The following RPS6KA3 variants were observed in gnomAD, a reference collection of about 807,000 sequenced individuals.
RPS6KA3 encodes the protein ribosomal protein S6 kinase alpha-3.
RPS6KA3 carries 4 observed loss-of-function variants against 67.2 expected under a neutral mutation model. The ratio of observed to expected loss-of-function variants is 0.06; its 90% CI spans 0.03 to 0.14. The LOEUF (loss-of-function observed/expected upper bound fraction) is 0.14. Ranked by LOEUF, RPS6KA3 falls within the 10% of genes least tolerant of loss-of-function variation. RPS6KA3 has a pLI of 1.00. For missense variants in RPS6KA3, 204 were observed against 559.0 expected (o/e 0.36, Z 6.40); for synonymous variants, 182 against 183.7 (o/e 0.99, Z 0.07).
intron 9 of RPS6KA3, among the ~76,000 whole-genome samples, chrX:20,186,881 T>G (rs2067997696): frequency 8.9e-6 from 1 of 112,535 alleles, no homozygotes; most frequent in African/African-American, 3.2e-5. Context: ...TCACCCAGGC[T>G]GGAGTGCAGT....
chrX:20,251,895 A>T (rs1291176277), intron 1 of RPS6KA3, among the ~76,000 whole-genome samples: 1 of 111,895 alleles, frequency 8.9e-6, no homozygotes, highest in African/African-American at 3.2e-5. Flanking sequence ...ATTTGGGGAA[A>T]TTTCAGCCAT....
At chrX:20,229,385 G>A (rs1020346609) in intron 2 of RPS6KA3, among the ~76,000 whole-genome samples, 9 of 111,775 alleles carry the variant, frequency 8.1e-5, no homozygotes, top group Non-Finnish European at 1.5e-4. Context: ...CAGGAATCTG[G>A]GCCAGCAACC....
chrX:20,151,944 G>A lies in RPS6KA3; in HGVS notation c.*3454C>T, dbSNP rs1340772207. The A allele has an allele frequency of 8.9e-6, 1 of 112,074 alleles. No individual in the cohort carries two copies. Among genetic ancestry groups the A allele is most frequent in the Admixed American group, 9.5e-5 (1 of 10,516 alleles). The allele number at this position is 112,074 out of a possible 1,213,427, so 9.2% of individuals were successfully genotyped here. ...AAATCTTTCCTGGGCTGAAGGTGCA[G>A]GGCACAGCTAACTGGACAGCCCCAC... On this transcript the variant is annotated 3_prime_UTR_variant, in exon 22 of 22. Coordinates refer to ENST00000379565, the MANE Select transcript of RPS6KA3 (RefSeq NM_004586.3).
chrX:20,176,897 T>G, intron 11 of RPS6KA3, 99 bp downstream of exon 11: 1 of 674,169 alleles, frequency 1.5e-6, no homozygotes, highest in East Asian at 3.4e-5. Flanking sequence ...TAGCCTTGTC[T>G]AAATAGTTAA....
At position 20,150,999 on chromosome X, in the gene RPS6KA3, CCT is replaced by C. The variant is rs1437835398; in HGVS notation, c.*4397_*4398del. 8.9e-6 allele frequency: 1 copy of C among 112,024 alleles called. No homozygotes were observed. Among genetic ancestry groups the C allele is most frequent in the African/African-American group, 3.3e-5 (1 of 30,746 alleles). 9.2% of individuals were successfully genotyped at this position (112,024 alleles called of 1,213,427 possible). ...GCTCTCATCCCAACCCTCGGTATGC[CCT>C]GTTATGAACAGTTAAAAAACTAGAA... On this transcript the variant is annotated 3_prime_UTR_variant, in exon 22 of 22. Coordinates refer to ENST00000379565, the MANE Select transcript of RPS6KA3 (RefSeq NM_004586.3).
chrX:20,151,799 G>A lies in RPS6KA3; in HGVS notation c.*3599C>T, dbSNP rs772212082. ...TTGCTGGCCTCCATGGTGATTAAGC[G>A]CATCCATAGCAAGGCCTGCAAATCT... On this transcript the variant is annotated 3_prime_UTR_variant, in exon 22 of 22. Transcript: ENST00000379565. 7.1e-5 allele frequency: 8 copies of A among 112,109 alleles called. No individual in the cohort carries two copies. Among genetic ancestry groups the A allele is most frequent in the Admixed American group, 2.8e-4 (3 of 10,551 alleles). 9.2% of individuals were successfully genotyped at this position (112,109 alleles called of 1,213,427 possible). A position where few individuals can be genotyped will look rare whatever the true frequency, so the allele number is the denominator to read the frequency against.
At chrX:20,204,593 C>A (rs760672917) in intron 3 of RPS6KA3, among the ~76,000 whole-genome samples, 4 of 111,997 alleles carry the variant, frequency 3.6e-5, no homozygotes, top group African/African-American at 1.3e-4. Context: ...CACTGCTCAG[C>A]GGAACAATTT....
At chrX:20,236,440 T>C (rs758229244) in intron 1 of RPS6KA3, among the ~76,000 whole-genome samples, 1 of 111,784 alleles carries the variant, frequency 8.9e-6, no homozygotes, top group Non-Finnish European at 1.9e-5. Flanking sequence ...GCAGCCCACC[T>C]ATCACCTCAT....
chrX:20,163,710 C>T (rs1387926438), intron 18 of RPS6KA3, among the ~76,000 whole-genome samples: 1 of 110,684 alleles, frequency 9.0e-6, no homozygotes, highest in Non-Finnish European at 1.9e-5. Context: ...ACTCTGTCGC[C>T]CAGGCTGGAG....
chrX:20,260,777 T>A (rs944291492), intron 1 of RPS6KA3, among the ~76,000 whole-genome samples: 3 of 111,552 alleles, frequency 2.7e-5, no homozygotes, highest in Non-Finnish European at 3.8e-5. Flanking sequence ...CAAAACTCTA[T>A]GAGGTAGACA....
intron 20 of RPS6KA3, among the ~76,000 whole-genome samples, chrX:20,159,511 C>T (rs917879793): frequency 8.9e-6 from 1 of 111,982 alleles, no homozygotes; most frequent in Non-Finnish European, 1.9e-5. Flanking sequence ...CTTAACTGTA[C>T]ATATTAGCAA....
chrX:20,205,113 A>C (rs1300153479), intron 3 of RPS6KA3, among the ~76,000 whole-genome samples: 1 of 112,510 alleles, frequency 8.9e-6, no homozygotes, highest in African/African-American at 3.2e-5. Context: ...ATATTTGCGC[A>C]AAATGAATAA....
intron 1 of RPS6KA3, among the ~76,000 whole-genome samples, chrX:20,237,323 T>C (rs1029072091): frequency 2.7e-5 from 3 of 111,560 alleles, no homozygotes; most frequent in Non-Finnish European, 5.7e-5. Context: ...TGACTCCCCA[T>C]TGTTTGGCGT....
chrX:20,184,106 C>T lies in RPS6KA3; in HGVS notation c.845+2190G>A, dbSNP rs549803892. Among the ~76,000 whole-genome samples, 15 of 111,278 alleles carry T rather than the reference C, an allele frequency of 1.3e-4. No homozygotes were observed. The South Asian group carries it at 2.3e-3, about 17-fold the overall frequency. The stretch of plus-strand genomic sequence containing the variant: ...ATTCATCACCCAGGCTGGAGTGCAG[C>T]GGCATGATCTTAGCTCACTGCAACC... On this transcript the variant is annotated intron_variant, in intron 10 of 21. Transcript: ENST00000379565.
In RPS6KA3 at chrX:20,151,142, TG is replaced by T. The variant is rs767150286; in HGVS notation, c.*4255del. 1 of 112,790 alleles carries T rather than the reference TG, an allele frequency of 8.9e-6. No homozygotes were observed. The highest frequency in any genetic ancestry group is 3.7e-4 in the South Asian group (1 of 2,712). 9.3% of individuals were successfully genotyped at this position (112,790 alleles called of 1,213,427 possible). On this transcript the variant is annotated 3_prime_UTR_variant, in exon 22 of 22. Coordinates refer to ENST00000379565, the MANE Select transcript of RPS6KA3 (RefSeq NM_004586.3). ...ACATTGGAACCAGCTGCAAATCACTTGATCACACAGAATACAGCAGTGTCAA... is the reference window on the plus strand; with the variant it reads ...ACATTGGAACCAGCTGCAAATCACTTATCACACAGAATACAGCAGTGTCAA...
At chrX:20,225,243 G>GTTTTTTTTTTTTTT (rs374712907) in intron 2 of RPS6KA3, among the ~76,000 whole-genome samples, 7 of 79,921 alleles carry the variant, frequency 8.8e-5, no homozygotes, top group Non-Finnish European at 1.4e-4. Context: ...TTTTTTTTTT[G>GTTTTTTTTTTTTTT]TTTTTTTTTT....
chrX:20,262,901 G>T (rs373245240), intron 1 of RPS6KA3, among the ~76,000 whole-genome samples: 2 of 110,992 alleles, frequency 1.8e-5, no homozygotes, highest in East Asian at 5.6e-4. Context: ...CTATACTATA[G>T]AATACTACAT....
intron 6 of RPS6KA3, 88 bp downstream of exon 6, chrX:20,194,101 T>C: frequency 3.4e-6 from 2 of 587,384 alleles, no homozygotes; most frequent in Non-Finnish European, 5.6e-6. Flanking sequence ...CTAGAGAAAA[T>C]ACAGTAAGCA....
chrX:20,218,354 C>T (rs2068907777), intron 2 of RPS6KA3, among the ~76,000 whole-genome samples: 1 of 111,754 alleles, frequency 8.9e-6, no homozygotes, highest in African/African-American at 3.2e-5. Flanking sequence ...CCAATTTCCA[C>T]CAAAATGTGA....
Sources: gnomAD v4.1 joint callset for allele counts (sites outside exome capture counted in the v4.1 genomes callset) on GRCh38, gnomAD v4.1.1 for gene constraint, MANE v1.5 for transcripts, NCBI Gene and HGNC (gene_info 2026-07-23, HGNC 2026-07-21) for gene names.